Variants in ARK2C observed in about 807,000 individuals in gnomAD.
ARK2C encodes arkadia (RNF111) C-terminal like ring finger ubiquitin ligase 2C.
the ARK2C span, among the ~76,000 whole-genome samples, chr18:46,421,013 C>T: frequency 6.6e-6 from 1 of 152,210 alleles, no homozygotes; most frequent in Non-Finnish European, 1.5e-5. Flanking sequence ...ACAGTGCAGA[C>T]CCCTCCTTCC....
At chr18:46,418,632 C>A in the ARK2C span, among the ~76,000 whole-genome samples, 4 of 152,230 alleles carry the variant, frequency 2.6e-5, no homozygotes, top group African/African-American at 9.6e-5. Flanking sequence ...TTCATCACGG[C>A]TGCTTCCCTA....
the ARK2C span, among the ~76,000 whole-genome samples, chr18:46,362,264 T>G: frequency 6.6e-6 from 1 of 152,342 alleles, no homozygotes; most frequent in African/African-American, 2.4e-5. Flanking sequence ...AGGGTTTTCC[T>G]TCAGGGGTTT....
At chr18:46,416,380 G>A in the ARK2C span, among the ~76,000 whole-genome samples, 49 of 152,278 alleles carry the variant, frequency 3.2e-4, 2 homozygotes, top group East Asian at 7.7e-3. Context: ...CCCTCCATCC[G>A]TAAGCATCCG....
At chr18:46,395,127 C>A in the ARK2C span, among the ~76,000 whole-genome samples, 18 of 152,210 alleles carry the variant, frequency 1.2e-4, no homozygotes, top group Non-Finnish European at 1.9e-4. Flanking sequence ...TTTTATGGAG[C>A]TATGGGGTGG....
At chr18:46,432,908 G>A in the ARK2C span, among the ~76,000 whole-genome samples, 2 of 152,192 alleles carry the variant, frequency 1.3e-5, no homozygotes, top group Non-Finnish European at 2.9e-5. Flanking sequence ...TCGCGCCACT[G>A]CACTCCAGCC....
chr18:46,462,672 A>C, the ARK2C span: 2 of 152,612 alleles, frequency 1.3e-5, no homozygotes, highest in Admixed American at 1.3e-4. Context: ...CCTGGCAGAC[A>C]CCACATCTTT....
the ARK2C span, chr18:46,447,808 C>T: frequency 5.7e-6 from 7 of 1,226,004 alleles, no homozygotes; most frequent in Non-Finnish European, 4.8e-6. Context: ...TCCTTGGCTC[C>T]CCTGTGCCCC....
At chr18:46,389,916 A>T in the ARK2C span, among the ~76,000 whole-genome samples, 1 of 152,008 alleles carries the variant, frequency 6.6e-6, no homozygotes, top group Non-Finnish European at 1.5e-5. Context: ...TTTTGTAGAG[A>T]CAGGGTTTTG....
At chr18:46,365,383 C>G in the ARK2C span, among the ~76,000 whole-genome samples, 2 of 152,282 alleles carry the variant, frequency 1.3e-5, no homozygotes, top group South Asian at 4.1e-4. Flanking sequence ...TCTGGAAGAG[C>G]CTTTTCTCCA....
the ARK2C span, among the ~76,000 whole-genome samples, chr18:46,352,866 G>C: frequency 3.3e-5 from 5 of 152,270 alleles, no homozygotes; most frequent in Admixed American, 6.5e-5. Flanking sequence ...GGAGCACTCA[G>C]TTGGTCATCT....
At chr18:46,455,906 G>C in the ARK2C span, 2 of 945,564 alleles carry the variant, frequency 2.1e-6, no homozygotes, top group Non-Finnish European at 3.4e-6. Context: ...CAGGCTGTGG[G>C]TGAAAACCAC....
the ARK2C span, among the ~76,000 whole-genome samples, chr18:46,446,246 A>G: frequency 2.0e-5 from 3 of 152,200 alleles, no homozygotes; most frequent in Non-Finnish European, 4.4e-5. Flanking sequence ...TTCAAGAAAA[A>G]TTCAATCATC....
At chr18:46,393,787 A>G in the ARK2C span, among the ~76,000 whole-genome samples, 1 of 152,204 alleles carries the variant, frequency 6.6e-6, no homozygotes, top group Non-Finnish European at 1.5e-5. Context: ...CCTTTTGGAG[A>G]GCCTGGCAGG....
At chr18:46,414,798 C>T in the ARK2C span, among the ~76,000 whole-genome samples, 1 of 152,160 alleles carries the variant, frequency 6.6e-6, no homozygotes, top group African/African-American at 2.4e-5. Context: ...GCAGAGGCCT[C>T]TGGGAAAGGC....
the ARK2C span, among the ~76,000 whole-genome samples, chr18:46,348,372 A>G: frequency 6.6e-6 from 1 of 152,148 alleles, no homozygotes; most frequent in East Asian, 1.9e-4. Flanking sequence ...AGCTTTGCCT[A>G]TTGGCCAGCG....
At chr18:46,425,793 C>T in the ARK2C span, among the ~76,000 whole-genome samples, 4 of 152,156 alleles carry the variant, frequency 2.6e-5, no homozygotes, top group Non-Finnish European at 4.4e-5. Context: ...GGAGGCCCCC[C>T]GTCTTAGTCT....
chr18:46,431,295 C>G, the ARK2C span, among the ~76,000 whole-genome samples: 414 of 152,300 alleles, frequency 2.7e-3, no homozygotes, highest in Non-Finnish European at 4.5e-3. Flanking sequence ...ACCGATCACT[C>G]TTAGGCTCTC....
the ARK2C span, among the ~76,000 whole-genome samples, chr18:46,337,934 G>A: frequency 6.6e-6 from 1 of 152,082 alleles, no homozygotes; most frequent in African/African-American, 2.4e-5. Flanking sequence ...CCTGCCTAGA[G>A]AGAACCCCTA....
At chr18:46,425,393 G>A in the ARK2C span, among the ~76,000 whole-genome samples, 41 of 152,332 alleles carry the variant, frequency 2.7e-4, no homozygotes, top group African/African-American at 9.1e-4. Context: ...GGGTAGCCCC[G>A]GGTGGGTGGC....
Sources: allele counts gnomAD v4.1 joint callset (sites outside exome capture counted in the v4.1 genomes callset), GRCh38; gene constraint gnomAD v4.1.1; transcripts MANE v1.5; gene names NCBI Gene and HGNC (gene_info 2026-07-23, HGNC 2026-07-21).